COMP: variants seen among roughly 807,000 people sequenced by gnomAD.
COMP encodes cartilage oligomeric matrix protein (pseudoachondroplasia, epiphyseal dysplasia 1, multiple).
Under a neutral mutation model 95.8 loss-of-function variants are expected in COMP, and 79 were observed. The observed-to-expected ratio is 0.82, with a 90% CI of 0.69 to 0.99. COMP has a LOEUF of 0.99. Among genes scored for constraint, COMP ranks in the 50% least tolerant of loss-of-function variants. The pLI is 0.00. For synonymous variants in COMP, 438 were observed against 433.9 expected (o/e 1.01, Z -0.12); for missense variants, 906 against 1,076.1 (o/e 0.84, Z 2.21).
At position 18,791,198 on chromosome 19, in the gene COMP, G is replaced by C. The variant is rs777322430; in HGVS notation, c.72C>G (p.Ser24Arg). The change falls in exon 1 of 19, where the codon AGC becomes AGG. Residue 24 changes from serine (S) to arginine (R), a missense_variant. By Grantham distance (110) the Ser-to-Arg change is moderately radical. Transcript: ENST00000222271. ...GGTGCTAACGCGGCTTACCCAACGG[G>C]CTCTGGCCCTGTCCGGACGCGCCGA... is the stretch of plus-strand genomic sequence containing the variant. Reference protein sequence around the residue: ...AALGASGQGQSPLGSDLGPQM... With the variant: ...AALGASGQGQRPLGSDLGPQM... The C allele has an allele frequency of 6.3e-7, 1 of 1,586,338 alleles. No individual in the cohort carries two copies. The highest frequency in any genetic ancestry group is 1.8e-5 in the Admixed American group (1 of 54,880).
rs1010740141 is a variant in COMP, at chr19:18,788,482, G to T, written c.795C>A (p.Leu265=). The T allele has an allele frequency of 8.1e-6, 13 of 1,602,486 alleles. No homozygotes were observed. Among genetic ancestry groups the T allele is most frequent in the Non-Finnish European group, 1.7e-6 (2 of 1,174,388 alleles). ...CAVGWAGNGI[L]CGRDTDLDGF... ...CGTCTAGGTCAGTGTCGCGACCACA[G>T]AGGATCCCGTTGCCGGCCCAGCCAA... is the stretch of plus-strand genomic sequence containing the variant. The change falls in exon 8 of 19, where the codon CTC becomes CTA. Residue 265 remains leucine, a synonymous_variant. Transcript: ENST00000222271. The surrounding 1 kb of genome is among the most constrained non-coding windows in gnomAD (Gnocchi z 4.7).
chr19:18,782,952 G>C lies in COMP; in HGVS notation c.2237C>G (p.Pro746Arg). The C allele has an allele frequency of 6.2e-7, 1 of 1,612,802 alleles. No homozygotes were observed. The highest frequency in any genetic ancestry group is 8.5e-7 in the Non-Finnish European group (1 of 1,180,000). ...NLRYRCNDTI[P>R]EDYETHQLRQ... Reference sequence around the variant, plus strand: ...CAGCTGATGGGTCTCATAGTCCTCTGGGATGGTGTCTGCAGGGAGAGGGCA... The same window carrying C: ...CAGCTGATGGGTCTCATAGTCCTCTCGGATGGTGTCTGCAGGGAGAGGGCA... The change falls in exon 19 of 19, where the codon CCA becomes CGA. Residue 746 changes from proline (P) to arginine (R), a missense_variant. Coordinates refer to ENST00000222271, the MANE Select transcript of COMP (RefSeq NM_000095.3).
chr19:18,790,659 C>T, intron 2 of COMP, 46 bp from the exon 3 acceptor site: 1 of 1,613,722 alleles, frequency 6.2e-7, no homozygotes, highest in Non-Finnish European at 8.5e-7. Flanking sequence ...CTCTCCTCAT[C>T]CCTCGGGTCT....
At chr19:18,790,477 C>G (rs1028500362) in intron 3 of COMP, 85 bp downstream of exon 3, 2 of 1,565,322 alleles carry the variant, frequency 1.3e-6, no homozygotes, top group African/African-American at 2.7e-5. Flanking sequence ...CTCTTTTCCT[C>G]CCCAGCTTTC....
chr19:18,788,649 G>T lies in COMP; in HGVS notation c.705C>A (p.Ser235Arg), dbSNP rs1169997187. The change falls in exon 7 of 19, where the codon AGC (serine) becomes AGA (arginine). Residue 235 changes from serine to arginine, a missense_variant. Transcript: ENST00000222271. This position sits in a 1 kb window ranked among gnomAD's most constrained non-coding sequence, Gnocchi z 4.7. ...AQRFCPDGSP[S>R]ECHEHADCVL... ...CGCAGTCTGCATGCTCGTGGCACTC[G>T]CTGGGCGAGCCGTCGGGGCAGAAGC... is the stretch of plus-strand genomic sequence containing the variant. 2 of 1,546,036 alleles carry T rather than the reference G, an allele frequency of 1.3e-6. No individual in the cohort carries two copies. The highest frequency in any genetic ancestry group is 1.4e-5 in the African/African-American group (1 of 73,022).
Position 18,790,612 on chromosome 19 carries a change from A to G in COMP, c.167T>C (p.Val56Ala), listed in dbSNP as rs1022567248. 2.5e-6 allele frequency: 4 copies of G among 1,613,088 alleles called. No individual in the cohort carries two copies. The African/African-American group carries it at 4.0e-5, about 16-fold the overall frequency. ...GTTTTTCAGGAACGTGATCTCCCTGACCTGCAGGGGTGGGATGGAATCAGC... is the reference window on the plus strand; with the variant it reads ...GTTTTTCAGGAACGTGATCTCCCTGGCCTGCAGGGGTGGGATGGAATCAGC... ...QDVRELLRQQ[V>A]REITFLKNTV... is the part of the protein sequence containing the mutation. Residue 56 changes from valine to alanine, a missense_variant and splice_region_variant, in exon 3 of 19, where the codon GTC (valine) becomes GCC (alanine). Physicochemically the swap from Val to Ala is moderately conservative, Grantham distance 64. Coordinates refer to ENST00000222271, the MANE Select transcript of COMP (RefSeq NM_000095.3).
chr19:18,789,358 C>G lies in COMP; in HGVS notation c.391-61G>C, dbSNP rs571393093. On this transcript the variant is annotated intron_variant, in intron 4 of 18. Transcript: ENST00000222271. This position sits in a 1 kb window ranked among gnomAD's most constrained non-coding sequence, Gnocchi z 6.1. ...TCGAGCTGGGCCCTGGGGGCCGCACCTCGTAGTGTCTCGGATGTGGAAAGT... is the reference window on the plus strand; with the variant it reads ...TCGAGCTGGGCCCTGGGGGCCGCACGTCGTAGTGTCTCGGATGTGGAAAGT... 1.4e-6 allele frequency: 2 copies of G among 1,398,036 alleles called. No individual in the cohort carries two copies. The highest frequency in any genetic ancestry group is 3.2e-5 in the Admixed American group (1 of 31,506). The allele number at this position is 1,398,036 out of a possible 1,614,324, so 86.6% of individuals were successfully genotyped here.
rs935596646 is a variant in COMP, at chr19:18,785,741, A to T, written c.1600T>A (p.Phe534Ile). Reference sequence around the variant, plus strand: ...TCCGGGTCCAGCACGACTGTCTGGAAGGCCCTGAAGTCGGTGAGCGTGACT... The same window carrying T: ...TCCGGGTCCAGCACGACTGTCTGGATGGCCCTGAAGTCGGTGAGCGTGACT... ...AEVTLTDFRA[F>I]QTVVLDPEGD... The change falls in exon 14 of 19, where the codon TTC becomes ATC. Residue 534 changes from phenylalanine to isoleucine, a missense_variant. Physicochemically the swap from Phe to Ile is conservative, Grantham distance 21. Coordinates refer to ENST00000222271, the MANE Select transcript of COMP (RefSeq NM_000095.3). The T allele has an allele frequency of 1.2e-6, 2 of 1,613,402 alleles. No individual in the cohort carries two copies. The highest frequency in any genetic ancestry group is 2.7e-5 in the African/African-American group (2 of 74,934).
intron 9 of COMP, 110 bp from the exon 10 acceptor site, chr19:18,787,760 C>A (rs1264121971): frequency 6.8e-7 from 1 of 1,461,710 alleles, no homozygotes; most frequent in African/African-American, 1.4e-5. Context: ...AACCTTTCGC[C>A]CCTCCTAGAC....
intron 17 of COMP, 89 bp from the exon 18 acceptor site, chr19:18,783,282 C>A: frequency 6.5e-7 from 1 of 1,545,092 alleles, no homozygotes; most frequent in Non-Finnish European, 8.7e-7. Flanking sequence ...AGATGGGTAC[C>A]CCTGACTGGG....
At chr19:18,785,255 G>T (rs1456838739) in intron 15 of COMP, among the ~76,000 whole-genome samples, 163 bp from the exon 16 acceptor site, 1 of 151,596 alleles carries the variant, frequency 6.6e-6, no homozygotes, top group East Asian at 1.9e-4. Flanking sequence ...ATCTACCATT[G>T]GCCACGCCCC....
rs1421493569 is a variant in COMP at position 18,784,152 on chromosome 19, G to A, written c.2087+39C>T. On this transcript the variant is annotated intron_variant, in intron 17 of 18. Coordinates refer to ENST00000222271, the MANE Select transcript of COMP (RefSeq NM_000095.3). This position sits in a 1 kb window ranked among gnomAD's most constrained non-coding sequence, Gnocchi z 4.9. ...AGGGCACTCCCACCTGGGCCTGTGT[G>A]TCCCCAGCCCAGCCCACCACAGAGG... The A allele has an allele frequency of 1.9e-6, 3 of 1,609,206 alleles. No homozygotes were observed. Among genetic ancestry groups the A allele is most frequent in the Admixed American group, 1.7e-5 (1 of 60,012 alleles).
intron 3 of COMP, 133 bp downstream of exon 3, chr19:18,790,429 G>T: frequency 8.6e-7 from 1 of 1,161,700 alleles, no homozygotes; most frequent in Non-Finnish European, 1.3e-6. Context: ...ATTCCCGTTC[G>T]TCCGTCCACC....
At chr19:18,783,495 C>T (rs2055140848) in intron 17 of COMP, among the ~76,000 whole-genome samples, 1 of 152,218 alleles carries the variant, frequency 6.6e-6, no homozygotes, top group Non-Finnish European at 1.5e-5. Flanking sequence ...CAGGGTCTCG[C>T]TCTGTCACCC....
chr19:18,788,584 G>A lies in COMP; in HGVS notation c.762+8C>T, dbSNP rs754346501. On this transcript the variant is annotated splice_region_variant and intron_variant, in intron 7 of 18. Transcript: ENST00000222271. The surrounding 1 kb of genome is among the most constrained non-coding windows in gnomAD (Gnocchi z 4.7). Reference sequence around the variant, plus strand: ...ACCCCGCCTCAAGCCCAGCCCGCCCGCACTCACCACGCACGACCGCGAGCC... The same window carrying A: ...ACCCCGCCTCAAGCCCAGCCCGCCCACACTCACCACGCACGACCGCGAGCC... The A allele has an allele frequency of 4.5e-6, 7 of 1,556,186 alleles. No individual in the cohort carries two copies. The highest frequency in any genetic ancestry group is 6.1e-6 in the Non-Finnish European group (7 of 1,150,688).
Position 18,784,393 on chromosome 19 carries a change from A to T in COMP, c.1915-30T>A, listed in dbSNP as rs939769527. On this transcript the variant is annotated intron_variant, in intron 16 of 18. Transcript: ENST00000222271. The surrounding 1 kb of genome is among the most constrained non-coding windows in gnomAD (Gnocchi z 4.9). ...CAATACCCAGGAAAGGTGGTCAGAG[A>T]CCTCGTGGGCCACCGGAGCCCCCCT... 5 of 1,613,088 alleles carry T rather than the reference A, an allele frequency of 3.1e-6. No individual in the cohort carries two copies. The highest frequency in any genetic ancestry group is 3.4e-6 in the Non-Finnish European group (4 of 1,179,868).
chr19:18,788,212 C>T lies in COMP; in HGVS notation c.975G>A (p.Lys325=). 6.2e-7 allele frequency: 1 copy of T among 1,612,760 alleles called. No individual in the cohort carries two copies. Among genetic ancestry groups the T allele is most frequent in the South Asian group, 1.1e-5 (1 of 91,058 alleles). ...DADGDGVPNE[K]DNCPLVRNPD... ...CCACCGTGCCGAGCCGTAGATCTACCTTTTCATTGGGGACCCCGTCCCCGT... is the reference window on the plus strand; with the variant it reads ...CCACCGTGCCGAGCCGTAGATCTACTTTTTCATTGGGGACCCCGTCCCCGT... Residue 325 remains lysine, a splice_region_variant and synonymous_variant, in exon 9 of 19, where the codon AAG becomes AAA. Transcript: ENST00000222271. The surrounding 1 kb of genome is among the most constrained non-coding windows in gnomAD (Gnocchi z 4.7).
chr19:18,787,399 C>A, intron 10 of COMP, 92 bp downstream of exon 10: 1 of 1,578,534 alleles, frequency 6.3e-7, no homozygotes, highest in South Asian at 1.1e-5. Context: ...CCCCATCCGG[C>A]TTCCAAAACC....
rs764652826 is a variant in COMP at position 18,785,538 on chromosome 19, C to T, written c.1677G>A (p.Glu559=). 59 of 1,613,952 alleles carry T rather than the reference C, an allele frequency of 3.7e-5. No homozygotes were observed. The highest frequency in any genetic ancestry group is 1.7e-4 in the Admixed American group (10 of 60,010). ...GGTCGCTGTTCATTGTCTGCACGAT[C>T]TCCCTTCCCTGATGGGGTCAAAGAA... ...PNWVVLNQGR[E]IVQTMNSDPG... is the part of the protein sequence containing the mutation. Residue 559 remains glutamate, a synonymous_variant, in exon 15 of 19, where the codon GAG becomes GAA. Coordinates refer to ENST00000222271, the MANE Select transcript of COMP (RefSeq NM_000095.3).
Sources: gnomAD v4.1 joint callset for allele counts (sites outside exome capture counted in the v4.1 genomes callset) on GRCh38, gnomAD v4.1.1 for gene constraint, Gnocchi (gnomAD v3.1) non-coding constraint, MANE v1.5 for transcripts, NCBI Gene and HGNC (gene_info 2026-07-23, HGNC 2026-07-21) for gene names.